Variants in ESYT1 observed in about 807,000 individuals in gnomAD.
The protein encoded by ESYT1 is extended synaptotagmin 1.
A neutral mutation model predicts 154.2 loss-of-function variants in ESYT1; 116 were observed. That is an observed-to-expected ratio of 0.75 (90% CI 0.65 to 0.88). ESYT1 has a LOEUF of 0.88. Among genes scored for constraint, ESYT1 ranks in the 40% least tolerant of loss-of-function variants. The pLI, the probability that ESYT1 is intolerant of heterozygous loss-of-function variation, is 0.00. For synonymous variants in ESYT1, 500 were observed against 539.9 expected (o/e 0.93, Z 1.02); for missense variants, 1,264 against 1,379.3 (o/e 0.92, Z 1.32).
rs1870828090 is a variant in ESYT1 at position 56,144,092 on chromosome 12, C to G, written c.*230C>G. On this transcript the variant is annotated 3_prime_UTR_variant, in exon 31 of 31. Transcript: ENST00000394048. The stretch of plus-strand genomic sequence containing the variant: ...TGGGCCCCTGGGGCGGGGACCTGAG[C>G]TGGCTGTTTCCTGCTTTGCCTGCAC... The G allele has an allele frequency of 7.0e-7, 1 of 1,421,644 alleles. No individual in the cohort carries two copies. The highest frequency in any genetic ancestry group is 9.2e-7 in the Non-Finnish European group (1 of 1,091,014). 88.1% of individuals were successfully genotyped at this position (1,421,644 alleles called of 1,614,324 possible). A position where few individuals can be genotyped will look rare whatever the true frequency, so the allele number is the denominator to read the frequency against.
At position 56,137,669 on chromosome 12, in the gene ESYT1, T is replaced by A; in HGVS notation, c.2109T>A (p.Val703=). ...ATCTCAATCCCCGCTGGAATGAGGTTTTTGAGGTCAGAATTGAGTGGCTGT... is the reference window on the plus strand; with the variant it reads ...ATCTCAATCCCCGCTGGAATGAGGTATTTGAGGTCAGAATTGAGTGGCTGT... ...REDLNPRWNE[V]FEVIVTSVPG... Residue 703 remains valine (V), a synonymous_variant, in exon 18 of 31, where the codon GTT becomes GTA. Transcript: ENST00000394048. 1 of 1,613,866 alleles carries A rather than the reference T, an allele frequency of 6.2e-7. No homozygotes were observed. The highest frequency in any genetic ancestry group is 2.2e-5 in the East Asian group (1 of 44,878).
intron 1 of ESYT1, chr12:56,129,564 C>T (rs1390157165): frequency 1.3e-5 from 2 of 152,396 alleles, no homozygotes; most frequent in African/African-American, 2.4e-5. Context: ...TCAAAATTGA[C>T]ACTAGACAGA....
intron 24 of ESYT1, among the ~76,000 whole-genome samples, chr12:56,140,183 T>C (rs1870633799): frequency 6.6e-6 from 1 of 151,860 alleles, no homozygotes; most frequent in African/African-American, 2.4e-5. Context: ...GTAGATTTAC[T>C]GGTTCTTTCG....
At chr12:56,134,671 T>C (rs561015177) in intron 15 of ESYT1, among the ~76,000 whole-genome samples, 2 of 152,136 alleles carry the variant, frequency 1.3e-5, no homozygotes, top group Non-Finnish European at 2.9e-5. Context: ...CGATCTCGGC[T>C]TACCGAAACC....
rs1246773935 is a variant in ESYT1 at position 56,132,495 on chromosome 12, G to C, written c.1059G>C (p.Glu353Asp). The C allele has an allele frequency of 3.7e-6, 6 of 1,614,104 alleles. No homozygotes were observed. Among genetic ancestry groups the C allele is most frequent in the Non-Finnish European group, 5.1e-6 (6 of 1,180,048 alleles). ...SKDKYVKGLI[E>D]GKSDPYALVR... is the part of the protein sequence containing the mutation. Reference sequence around the variant, plus strand: ...ACAAATATGTGAAGGGCCTGATTGAGGGCAAGTCAGACCCATATGCACTTG... The same window carrying C: ...ACAAATATGTGAAGGGCCTGATTGACGGCAAGTCAGACCCATATGCACTTG... The change falls in exon 9 of 31, where the codon GAG becomes GAC. Residue 353 changes from glutamate (E) to aspartate (D), a missense_variant. By Grantham distance (45) the Glu-to-Asp change is conservative. Coordinates refer to ENST00000394048, the MANE Select transcript of ESYT1 (RefSeq NM_015292.3).
rs1181389561 is a variant in ESYT1, at chr12:56,138,751, C to G, written c.2434-17C>G. 6.2e-7 allele frequency: 1 copy of G among 1,611,466 alleles called. No homozygotes were observed. Among genetic ancestry groups the G allele is most frequent in the Admixed American group, 1.7e-5 (1 of 60,008 alleles). Reference sequence around the variant, plus strand: ...ACTAGGTCCAAATTTAAGACTAACACAGTATTGTCTTTCTAGCTGCGAAAA... The same window carrying G: ...ACTAGGTCCAAATTTAAGACTAACAGAGTATTGTCTTTCTAGCTGCGAAAA... On this transcript the variant is annotated splice_polypyrimidine_tract_variant and intron_variant, in intron 22 of 30. Coordinates refer to ENST00000394048, the MANE Select transcript of ESYT1 (RefSeq NM_015292.3).
intron 1 of ESYT1, chr12:56,129,145 C>T (rs1870124575): frequency 5.0e-6 from 1 of 200,328 alleles, no homozygotes. Flanking sequence ...GACTTTTTAC[C>T]TACTTAAAGC....
Position 56,142,424 on chromosome 12 carries a change from G to C in ESYT1, c.2732G>C (p.Gly911Ala). 1 of 1,612,102 alleles carries C rather than the reference G, an allele frequency of 6.2e-7. No homozygotes were observed. Among genetic ancestry groups the C allele is most frequent in the South Asian group, 1.1e-5 (1 of 90,938 alleles). ...CAGGTGCTACTGAGAGCACAGCTAG[G>C]GGTGAGTGACAGGAGATGGTGGGCA... Reference protein sequence around the residue: ...QGQVLLRAQLGILVSQHSGVE... With the variant: ...QGQVLLRAQLAILVSQHSGVE... Residue 911 changes from glycine (G) to alanine (A), a missense_variant and splice_region_variant, in exon 25 of 31, where the codon GGG becomes GCG. Physicochemically the swap from Gly to Ala is moderately conservative, Grantham distance 60. Transcript: ENST00000394048. The surrounding 1 kb of genome is among the most constrained non-coding windows in gnomAD (Gnocchi z 4.1).
At chr12:56,140,840 C>T (rs1169543041) in intron 24 of ESYT1, among the ~76,000 whole-genome samples, 1 of 152,148 alleles carries the variant, frequency 6.6e-6, no homozygotes, top group Non-Finnish European at 1.5e-5. Flanking sequence ...TTGAAGATTG[C>T]TGTGATATGG....
chr12:56,130,209 C>A (rs1002807058), intron 1 of ESYT1: 11 of 330,328 alleles, frequency 3.3e-5, no homozygotes, highest in Non-Finnish European at 5.8e-5. Context: ...CCGCGGCCAG[C>A]CTGGAACCAG....
rs751590013 is a variant in ESYT1, at chr12:56,128,405, C to A, written c.86C>A (p.Ala29Asp). The change falls in exon 1 of 31, where the codon GCT becomes GAT. Residue 29 changes from alanine (A) to aspartate (D), a missense_variant. By Grantham distance (126) the Ala-to-Asp change is moderately radical (BLOSUM62 -2). Coordinates refer to ENST00000394048, the MANE Select transcript of ESYT1 (RefSeq NM_015292.3). ...APSDPTDQPP[A>D]AHAKPDPGSG... ...TCCGACCCCACTGACCAGCCCCCCG[C>A]TGCTCACGCAAAGCCAGACCCAGGT... 2 of 1,611,740 alleles carry A rather than the reference C, an allele frequency of 1.2e-6. No homozygotes were observed. The highest frequency in any genetic ancestry group is 2.7e-5 in the African/African-American group (2 of 74,932).
chr12:56,131,207 A>T (rs774752893), intron 4 of ESYT1, 37 bp from the exon 5 acceptor site: 2 of 1,613,556 alleles, frequency 1.2e-6, no homozygotes, highest in Non-Finnish European at 1.7e-6. Context: ...TCAGCCAAGG[A>T]CTAACTCTCT....
At position 56,137,134 on chromosome 12, in the gene ESYT1, C is replaced by A; in HGVS notation, c.1783-84C>A. 4 of 1,540,544 alleles carry A rather than the reference C, an allele frequency of 2.6e-6. No homozygotes were observed. In the South Asian group the frequency reaches 4.8e-5, roughly 18 times the overall value. On this transcript the variant is annotated intron_variant, in intron 16 of 30. Coordinates refer to ENST00000394048, the MANE Select transcript of ESYT1 (RefSeq NM_015292.3). ...GCAGCACCTAGTTCCCCTGTCACAG[C>A]CCCTCCTCTACCCCACCCCACATGC...
Position 56,137,590 on chromosome 12 carries a change from A to G in ESYT1, c.2030A>G (p.Tyr677Cys), listed in dbSNP as rs988418163. The G allele has an allele frequency of 1.9e-6, 3 of 1,614,120 alleles. No individual in the cohort carries two copies. The highest frequency in any genetic ancestry group is 1.7e-6 in the Non-Finnish European group (2 of 1,180,020). ...GGLVKGKSDP[Y>C]VKLKLAGRSF... ...CTGGTGAAGGGCAAGTCAGACCCCT[A>G]TGTCAAACTAAAGTTGGCAGGACGA... is the stretch of plus-strand genomic sequence containing the variant. The change falls in exon 18 of 31, where the codon TAT (tyrosine) becomes TGT (cysteine). Residue 677 changes from tyrosine (Y) to cysteine (C), a missense_variant. By Grantham distance (194) the Tyr-to-Cys change is radical. Coordinates refer to ENST00000394048, the MANE Select transcript of ESYT1 (RefSeq NM_015292.3).
chr12:56,130,784 C>T lies in ESYT1; in HGVS notation c.433-7C>T. On this transcript the variant is annotated splice_polypyrimidine_tract_variant and splice_region_variant and intron_variant, in intron 2 of 30. Coordinates refer to ENST00000394048, the MANE Select transcript of ESYT1 (RefSeq NM_015292.3). ...ACTCTCCTCTGACCATCTCTCTTTCCTCCCAGATTGTGGCCCAGGTCTGGC... is the reference window on the plus strand; with the variant it reads ...ACTCTCCTCTGACCATCTCTCTTTCTTCCCAGATTGTGGCCCAGGTCTGGC... 6.2e-7 allele frequency: 1 copy of T among 1,613,756 alleles called. No homozygotes were observed. Among genetic ancestry groups the T allele is most frequent in the Non-Finnish European group, 8.5e-7 (1 of 1,179,988 alleles).
chr12:56,137,926 G>A lies in ESYT1; in HGVS notation c.2198+12G>A. ...GATTTTCTGGGCAGGTGAGAGCATA[G>A]GAGTCTACGTGAAAAACAGGCTGGG... is the stretch of plus-strand genomic sequence containing the variant. On this transcript the variant is annotated intron_variant, in intron 19 of 30. Coordinates refer to ENST00000394048, the MANE Select transcript of ESYT1 (RefSeq NM_015292.3). The A allele has an allele frequency of 3.7e-6, 6 of 1,614,162 alleles. No homozygotes were observed. The South Asian group carries it at 6.6e-5, about 18-fold the overall frequency.
Position 56,137,502 on chromosome 12 carries a change from G to T in ESYT1, c.1942G>T (p.Val648Leu), listed in dbSNP as rs1251379879. Residue 648 changes from valine (V) to leucine (L), a missense_variant, in exon 18 of 31, where the codon GTG becomes TTG. By Grantham distance (32) the Val-to-Leu change is conservative. Coordinates refer to ENST00000394048, the MANE Select transcript of ESYT1 (RefSeq NM_015292.3). ...CACCCCCCCGTCCCTTTTGCAGCAT[G>T]TGCTTCGGATCCATGTATTAGAGGC... is the stretch of plus-strand genomic sequence containing the variant. The part of the protein sequence containing the change: ...TPDSQFGTEH[V>L]LRIHVLEAQD... The T allele has an allele frequency of 1.2e-6, 2 of 1,611,932 alleles. No homozygotes were observed. The highest frequency in any genetic ancestry group is 1.7e-6 in the Non-Finnish European group (2 of 1,178,504).
intron 1 of ESYT1, among the ~76,000 whole-genome samples, chr12:56,130,042 T>C (rs1473970043): frequency 6.6e-6 from 1 of 151,970 alleles, no homozygotes; most frequent in Non-Finnish European, 1.5e-5. Context: ...GCCTCCTGGG[T>C]AGCTGGGATT....
chr12:56,129,614 G>GTTT (rs1013500329), intron 1 of ESYT1: 10 of 152,472 alleles, frequency 6.6e-5, no homozygotes, highest in African/African-American at 2.4e-4. Flanking sequence ...GAAAGGGGAG[G>GTTT]AGAAAGAGGG....
Sources: gnomAD v4.1 joint callset for allele counts (sites outside exome capture counted in the v4.1 genomes callset) on GRCh38, gnomAD v4.1.1 for gene constraint, Gnocchi (gnomAD v3.1) non-coding constraint, MANE v1.5 for transcripts, NCBI Gene and HGNC (gene_info 2026-07-23, HGNC 2026-07-21) for gene names.